HEMK2: variants seen among roughly 807,000 people sequenced by gnomAD.
HEMK2 encodes the protein methyltransferase HEMK2.
At chr21:28,695,192 T>C in the HEMK2 span, among the ~76,000 whole-genome samples, 32 of 152,312 alleles carry the variant, frequency 2.1e-4, no homozygotes, top group Admixed American at 1.2e-3. Context: ...AAAATATATA[T>C]AGCAGCTTGT....
At chr21:28,714,740 C>T in the HEMK2 span, among the ~76,000 whole-genome samples, 37 of 152,102 alleles carry the variant, frequency 2.4e-4, 1 homozygote, top group Non-Finnish European at 5.0e-4. Flanking sequence ...CAAATGATCT[C>T]GTCACCCAGG....
the HEMK2 span, among the ~76,000 whole-genome samples, chr21:28,580,602 C>T: frequency 5.3e-5 from 8 of 151,416 alleles, no homozygotes; most frequent in Non-Finnish European, 8.8e-5. Flanking sequence ...GACAAAGCAA[C>T]AGCTTTAGTA....
chr21:28,674,166 C>A, the HEMK2 span, among the ~76,000 whole-genome samples: 1 of 152,146 alleles, frequency 6.6e-6, no homozygotes, highest in Non-Finnish European at 1.5e-5. Flanking sequence ...CTCCCATTAG[C>A]GCCATGACAG....
At chr21:28,816,117 A>G in the HEMK2 span, among the ~76,000 whole-genome samples, 5 of 152,216 alleles carry the variant, frequency 3.3e-5, no homozygotes, top group African/African-American at 9.6e-5. Context: ...CTCAGAGGAA[A>G]TTAACTGTGC....
chr21:28,586,432 T>G, the HEMK2 span, among the ~76,000 whole-genome samples: 170 of 152,308 alleles, frequency 1.1e-3, no homozygotes, highest in African/African-American at 3.9e-3. Context: ...TAAATAAAGC[T>G]TCAGCTGTCT....
chr21:28,672,700 T>C, the HEMK2 span, among the ~76,000 whole-genome samples: 2 of 152,162 alleles, frequency 1.3e-5, no homozygotes, highest in Non-Finnish European at 2.9e-5. Flanking sequence ...TAGTAGGCTA[T>C]CCAAGACACT....
chr21:28,840,994 CATAT>C, the HEMK2 span, among the ~76,000 whole-genome samples: 16,023 of 109,192 alleles, frequency 0.15, 1,629 homozygotes, highest in East Asian at 0.49. Context: ...GTGATAGATA[CATAT>C]ATATATTATA....
At chr21:28,613,891 A>T in the HEMK2 span, among the ~76,000 whole-genome samples, 1 of 152,250 alleles carries the variant, frequency 6.6e-6, no homozygotes, top group African/African-American at 2.4e-5. Context: ...TCCATTGTAA[A>T]GCATCATTAT....
chr21:28,797,450 A>T, the HEMK2 span, among the ~76,000 whole-genome samples: 5 of 151,634 alleles, frequency 3.3e-5, no homozygotes, highest in Non-Finnish European at 5.9e-5. Context: ...AACAAAAAAA[A>T]AAAACAAAAA....
the HEMK2 span, among the ~76,000 whole-genome samples, chr21:28,735,186 C>T: frequency 2.6e-5 from 4 of 152,210 alleles, no homozygotes; most frequent in Non-Finnish European, 1.5e-5. Flanking sequence ...TTTCTACAAA[C>T]TTAGCACCTT....
chr21:28,675,431 G>C, the HEMK2 span, among the ~76,000 whole-genome samples: 1 of 152,152 alleles, frequency 6.6e-6, no homozygotes, highest in Non-Finnish European at 1.5e-5. Context: ...CTGTTATTAA[G>C]TGTTTTGAAT....
At chr21:28,863,640 C>A in the HEMK2 span, among the ~76,000 whole-genome samples, 1 of 151,128 alleles carries the variant, frequency 6.6e-6, no homozygotes, top group African/African-American at 2.4e-5. Flanking sequence ...AGGAAAAAGC[C>A]CTTACGTATA....
chr21:28,625,968 C>T, the HEMK2 span, among the ~76,000 whole-genome samples: 1 of 152,088 alleles, frequency 6.6e-6, no homozygotes, highest in South Asian at 2.1e-4. Flanking sequence ...CATCAATCTG[C>T]ACTAGAAGAA....
chr21:28,772,043 GAA>G, the HEMK2 span, among the ~76,000 whole-genome samples: 1 of 152,112 alleles, frequency 6.6e-6, no homozygotes, highest in Non-Finnish European at 1.5e-5. Context: ...ATAAGTCAGA[GAA>G]AGTGAAATTA....
chr21:28,720,682 G>A, the HEMK2 span, among the ~76,000 whole-genome samples: 3 of 152,220 alleles, frequency 2.0e-5, no homozygotes, highest in South Asian at 2.1e-4. Context: ...GCAGTGAGCC[G>A]AGATTGCGCC....
At chr21:28,882,429 G>C in the HEMK2 span, among the ~76,000 whole-genome samples, 1 of 152,032 alleles carries the variant, frequency 6.6e-6, no homozygotes, top group African/African-American at 2.4e-5. Context: ...TGATGAAAAA[G>C]ACTGTTATAT....
At chr21:28,721,357 C>T in the HEMK2 span, among the ~76,000 whole-genome samples, 5 of 152,162 alleles carry the variant, frequency 3.3e-5, no homozygotes, top group Non-Finnish European at 7.3e-5. Context: ...TCAAGGTATC[C>T]TCCCACATCA....
At chr21:28,680,769 T>A in the HEMK2 span, among the ~76,000 whole-genome samples, 11 of 152,088 alleles carry the variant, frequency 7.2e-5, no homozygotes, top group Non-Finnish European at 1.5e-4. Context: ...ATAAACGTAA[T>A]CCAGCATATA....
chr21:28,777,326 C>G, the HEMK2 span, among the ~76,000 whole-genome samples: 2 of 152,170 alleles, frequency 1.3e-5, no homozygotes, highest in Non-Finnish European at 2.9e-5. Flanking sequence ...ACTGCAGACA[C>G]AAAAATACCC....
Sources: allele counts gnomAD v4.1 joint callset (sites outside exome capture counted in the v4.1 genomes callset), GRCh38; gene constraint gnomAD v4.1.1; transcripts MANE v1.5; gene names NCBI Gene and HGNC (gene_info 2026-07-23, HGNC 2026-07-21).